DOCK1: variants seen among roughly 807,000 people sequenced by gnomAD.
The protein encoded by DOCK1 is dedicator of cytokinesis 1, also known as dedicator of cytokinesis protein 1.
Under a neutral mutation model 262.7 loss-of-function variants are expected in DOCK1, and 138 were observed. That is an observed-to-expected ratio of 0.53 (90% confidence interval 0.46 to 0.61). The LOEUF (loss-of-function observed/expected upper bound fraction) is 0.61, where lower values mean the gene tolerates loss of function less well. DOCK1 is among the 20% of genes least tolerant of loss of function. DOCK1 has a pLI of 0.00. For synonymous variants in DOCK1, 866 were observed against 867.4 expected, an observed-to-expected ratio of 1.00 and a Z score of 0.03; for missense variants, 1,908 against 2,370.7, an observed-to-expected ratio of 0.80 and a Z score of 4.05.
intron 29 of DOCK1, among the ~76,000 whole-genome samples, chr10:127,260,385 A>C (rs2059980624): frequency 6.6e-6 from 1 of 152,222 alleles, no homozygotes; most frequent in Non-Finnish European, 1.5e-5. Context: ...TTCATCGTGT[A>C]CACGGACTGC....
intron 1 of DOCK1, among the ~76,000 whole-genome samples, chr10:126,916,806 A>G (rs1410889003): frequency 6.6e-6 from 1 of 150,542 alleles, no homozygotes; most frequent in Non-Finnish European, 1.5e-5. Flanking sequence ...AGCTGCCCTC[A>G]TGGGGTTTAT....
intron 49 of DOCK1, among the ~76,000 whole-genome samples, chr10:127,443,010 C>A (rs1173876876): frequency 6.6e-6 from 1 of 152,206 alleles, no homozygotes; most frequent in East Asian, 1.9e-4. Context: ...AACTCATTGT[C>A]TCCCAGTTCT....
At chr10:127,352,312 G>A (rs146295433) in intron 31 of DOCK1, among the ~76,000 whole-genome samples, 1,658 of 140,912 alleles carry the variant, frequency 0.012, 13 homozygotes, top group Middle Eastern at 0.018. Flanking sequence ...GAAGAGGAGC[G>A]GGGAGGGGTG....
intron 27 of DOCK1, among the ~76,000 whole-genome samples, chr10:127,161,035 CTG>C (rs1183975879): frequency 6.6e-6 from 1 of 152,212 alleles, no homozygotes; most frequent in East Asian, 1.9e-4. Flanking sequence ...AGTAAAGGCA[CTG>C]TTTTCAGTGA....
chr10:127,284,224 T>A (rs749579249), intron 29 of DOCK1, among the ~76,000 whole-genome samples: 1 of 152,184 alleles, frequency 6.6e-6, no homozygotes, highest in Non-Finnish European at 1.5e-5. Flanking sequence ...TATTTCATAT[T>A]TCCAGTTATT....
chr10:127,092,901 T>C (rs781071040), intron 23 of DOCK1, among the ~76,000 whole-genome samples: 44 of 152,210 alleles, frequency 2.9e-4, no homozygotes, highest in Non-Finnish European at 5.1e-4. Context: ...TCTCATGGGG[T>C]GGGGTGATGT....
intron 33 of DOCK1, among the ~76,000 whole-genome samples, chr10:127,366,508 G>A (rs2064921383): frequency 6.6e-6 from 1 of 152,070 alleles, no homozygotes; most frequent in South Asian, 2.1e-4. Flanking sequence ...TGCAGCCTCC[G>A]TCCTCTGCGC....
intron 29 of DOCK1, chr10:127,257,670 C>G: frequency 5.4e-6 from 2 of 371,240 alleles, no homozygotes; most frequent in Non-Finnish European, 1.0e-5. Flanking sequence ...GAAAAACAGC[C>G]TGAAGCTGGA....
chr10:127,081,979 G>A (rs2046930465), intron 23 of DOCK1, among the ~76,000 whole-genome samples: 1 of 152,166 alleles, frequency 6.6e-6, no homozygotes, highest in South Asian at 2.1e-4. Context: ...TCACGCGAAA[G>A]CAGCTGACCT....
intron 4 of DOCK1, among the ~76,000 whole-genome samples, chr10:126,986,090 C>T (rs1290554865): frequency 2.6e-5 from 4 of 152,040 alleles, no homozygotes; most frequent in Non-Finnish European, 5.9e-5. Flanking sequence ...CTGATCCACC[C>T]ACCTCGGCCT....
Position 127,374,060 on chromosome 10 carries a change from T to C in DOCK1, c.3521T>C (p.Leu1174Pro). The C allele has an allele frequency of 6.2e-7, 1 of 1,609,122 alleles. No homozygotes were observed. The highest frequency in any genetic ancestry group is 8.5e-7 in the Non-Finnish European group (1 of 1,177,990). ...EQYKVLFDKI[L>P]LEHCRKHKYL... ...AGGTGTGTATAATTATTTTTCAGCCTTCTGGAACACTGCAGGAAGCACAAA... is the reference window on the plus strand; with the variant it reads ...AGGTGTGTATAATTATTTTTCAGCCCTCTGGAACACTGCAGGAAGCACAAA... The change falls in exon 35 of 52, where the codon CTT becomes CCT. Residue 1174 changes from leucine to proline, a missense_variant and splice_region_variant. Physicochemically the swap from Leu to Pro is moderately conservative, Grantham distance 98. Coordinates refer to ENST00000623213, the MANE Select transcript of DOCK1 (RefSeq NM_001290223.2).
At chr10:126,968,641 A>C (rs940078504) in intron 1 of DOCK1, among the ~76,000 whole-genome samples, 3 of 152,164 alleles carry the variant, frequency 2.0e-5, no homozygotes, top group African/African-American at 7.2e-5. Flanking sequence ...TTTCATTTCT[A>C]TGATTTTTGA....
intron 22 of DOCK1, among the ~76,000 whole-genome samples, chr10:127,054,626 G>GC (rs947393972): frequency 6.6e-6 from 1 of 152,002 alleles, no homozygotes; most frequent in Admixed American, 6.6e-5. Flanking sequence ...GAACTTCCTG[G>GC]CCCCCCCTGC....
intron 25 of DOCK1, among the ~76,000 whole-genome samples, chr10:127,112,496 T>C (rs1381136478): frequency 2.0e-5 from 3 of 152,222 alleles, no homozygotes; most frequent in Non-Finnish European, 4.4e-5. Flanking sequence ...TTAGACAGCC[T>C]GAAGTCCTGT....
intron 29 of DOCK1, among the ~76,000 whole-genome samples, chr10:127,322,929 A>T (rs2062597951): frequency 6.6e-6 from 1 of 152,238 alleles, no homozygotes; most frequent in Non-Finnish European, 1.5e-5. Flanking sequence ...GACTGCAATC[A>T]ATAATCAATA....
chr10:127,016,433 G>A (rs1301299688), intron 12 of DOCK1: 1 of 152,328 alleles, frequency 6.6e-6, no homozygotes, highest in Non-Finnish European at 1.5e-5. Context: ...TGAGGTGCGG[G>A]ATTGAATCAA....
chr10:127,368,282 T>C (rs1427506152), intron 33 of DOCK1, among the ~76,000 whole-genome samples: 5 of 152,220 alleles, frequency 3.3e-5, no homozygotes, highest in African/African-American at 7.2e-5. Context: ...TGTCTCTGGG[T>C]GCTCCAGCTG....
intron 27 of DOCK1, among the ~76,000 whole-genome samples, chr10:127,142,058 G>A (rs888013059): frequency 2.0e-5 from 3 of 152,220 alleles, no homozygotes; most frequent in African/African-American, 7.2e-5. Flanking sequence ...CACAGTCGCT[G>A]TGCTAAGGGG....
chr10:126,980,427 C>T (rs905657438), intron 3 of DOCK1, among the ~76,000 whole-genome samples: 1 of 152,134 alleles, frequency 6.6e-6, no homozygotes, highest in Non-Finnish European at 1.5e-5. Flanking sequence ...AGCTCCTAGG[C>T]TCCTAGGCTG....
Sources: allele counts gnomAD v4.1 joint callset (sites outside exome capture counted in the v4.1 genomes callset), GRCh38; gene constraint gnomAD v4.1.1; transcripts MANE v1.5; gene names NCBI Gene and HGNC (gene_info 2026-07-23, HGNC 2026-07-21).